Variants in PCGF3 observed in about 807,000 individuals in gnomAD.
The protein encoded by PCGF3 is polycomb group RING finger protein 3.
A neutral mutation model predicts 33.1 loss-of-function variants in PCGF3; 7 were observed. The observed-to-expected ratio is 0.21, with a 90% confidence interval of 0.12 to 0.40. PCGF3 has a LOEUF of 0.40. Among genes scored for constraint, PCGF3 ranks in the 10% least tolerant of loss-of-function variants. PCGF3 has a pLI of 1.00. For missense variants in PCGF3, 211 were observed against 313.3 expected (o/e 0.67, Z 2.46); for synonymous variants, 153 against 121.3 (o/e 1.26, Z -1.72).
chr4:713,547 T>G (rs1742675352), intron 1 of PCGF3, among the ~76,000 whole-genome samples: 1 of 150,938 alleles, frequency 6.6e-6, no homozygotes, highest in African/African-American at 2.4e-5. Flanking sequence ...TGTGGCCTCG[T>G]CAGGGCTGTG....
intron 6 of PCGF3, among the ~76,000 whole-genome samples, chr4:742,375 C>A (rs1316322882): frequency 6.6e-6 from 1 of 152,218 alleles, no homozygotes; most frequent in Non-Finnish European, 1.5e-5. Context: ...AGAGCGTTTC[C>A]CTGGCCTGGC....
chr4:763,063 C>T (rs888503650), intron 9 of PCGF3, among the ~76,000 whole-genome samples: 14 of 151,374 alleles, frequency 9.2e-5, no homozygotes, highest in Admixed American at 3.9e-4. Context: ...GCCGGGGATA[C>T]GGACAGCACA....
At chr4:760,929 C>T (rs990758165) in intron 8 of PCGF3, among the ~76,000 whole-genome samples, 2 of 152,226 alleles carry the variant, frequency 1.3e-5, no homozygotes, top group Admixed American at 6.5e-5. Flanking sequence ...GACACGGGGC[C>T]GCCCACTCCC....
At chr4:768,659 T>C (rs554263198) in exon 11 of PCGF3, 12 of 152,674 alleles carry the variant, frequency 7.9e-5, no homozygotes, top group South Asian at 2.1e-4. Context: ...ATATATAATA[T>C]TGAATTTAAG....
intron 8 of PCGF3, among the ~76,000 whole-genome samples, chr4:755,932 T>TTTTTTTG (rs1560215735): frequency 1.8e-5 from 2 of 112,582 alleles, no homozygotes; most frequent in African/African-American, 9.0e-5. Context: ...TTTTTTTTTT[T>TTTTTTTG]GGAGATGGAG....
chr4:730,412 CCGATGCCTT>C (rs1743502589), intron 1 of PCGF3, among the ~76,000 whole-genome samples: 1 of 152,196 alleles, frequency 6.6e-6, no homozygotes, highest in Non-Finnish European at 1.5e-5. Context: ...CCTGCTGTCT[CCGATGCCTT>C]GGGCCTGGGC....
intron 4 of PCGF3, chr4:734,064 C>T (rs1297869668): frequency 1.3e-6 from 2 of 1,550,736 alleles, no homozygotes; most frequent in South Asian, 1.2e-5. Context: ...AGGCCAGTAG[C>T]CGCTGTGACA....
At position 720,278 on chromosome 4, in the gene PCGF3, G is replaced by T. The variant is rs139727162; in HGVS notation, c.-189-10352G>T. Among the ~76,000 whole-genome samples, 9 of 152,210 alleles carry T rather than the reference G, an allele frequency of 5.9e-5. No homozygotes were observed. The highest frequency in any genetic ancestry group is 1.3e-4 in the Non-Finnish European group (9 of 68,000). On this transcript the variant is annotated intron_variant, in intron 1 of 10. Transcript: ENST00000362003. The surrounding 1 kb of genome is among the most constrained non-coding windows in gnomAD (Gnocchi z 5.6). Reference sequence around the variant, plus strand: ...GAGCGCCCGTGCATCGCTGCAGAGGGTGACTGCGGGAGGAGTGCCCGCCCA... The same window carrying T: ...GAGCGCCCGTGCATCGCTGCAGAGGTTGACTGCGGGAGGAGTGCCCGCCCA...
intron 1 of PCGF3, among the ~76,000 whole-genome samples, chr4:708,309 G>A (rs1742422876): frequency 6.6e-6 from 1 of 152,136 alleles, no homozygotes; most frequent in Admixed American, 6.5e-5. Flanking sequence ...TCAGAGGGCT[G>A]GGACTCCTGA....
At chr4:767,504 T>G (rs1388083444) in exon 11 of PCGF3, 1 of 152,364 alleles carries the variant, frequency 6.6e-6, no homozygotes, top group South Asian at 2.1e-4. Flanking sequence ...CAGGTGGTCC[T>G]TGGCCACCAT....
In PCGF3 at chr4:756,656, C is replaced by T. The variant is rs113042840; in HGVS notation, c.463-4623C>T. 3.0e-3 allele frequency among the ~76,000 whole-genome samples: 451 copies of T among 152,086 alleles called. 2 individuals are homozygous for T. Among genetic ancestry groups the T allele is most frequent in the African/African-American group, 0.01 (423 of 41,486 alleles). ...TGCACATAAAATATGCCATTTTAACCATTTTCAGGTGTGTGGTTCAGTGGC... is the reference window on the plus strand; with the variant it reads ...TGCACATAAAATATGCCATTTTAACTATTTTCAGGTGTGTGGTTCAGTGGC... On this transcript the variant is annotated intron_variant, in intron 8 of 10. Transcript: ENST00000362003.
intron 7 of PCGF3, 135 bp from the exon 8 acceptor site, chr4:744,465 A>T: frequency 2.9e-6 from 2 of 678,680 alleles, no homozygotes; most frequent in African/African-American, 1.8e-5. Context: ...CTTTCCTTTG[A>T]CGCTTACTCC....
intron 4 of PCGF3, chr4:734,525 T>C: frequency 8.4e-7 from 1 of 1,193,336 alleles, no homozygotes; most frequent in Non-Finnish European, 1.0e-6. Flanking sequence ...GGTTAGCATA[T>C]TTTATGTTAG....
At chr4:768,707 ATTAT>A (rs1306320006) in exon 11 of PCGF3, 2 of 152,612 alleles carry the variant, frequency 1.3e-5, no homozygotes, top group Admixed American at 6.5e-5. Flanking sequence ...ACTTTATAAA[ATTAT>A]TTATTCTATT....
intron 1 of PCGF3, among the ~76,000 whole-genome samples, chr4:713,774 C>A (rs1742685287): frequency 6.6e-6 from 1 of 152,052 alleles, no homozygotes; most frequent in South Asian, 2.1e-4. Context: ...CTGATGCCGC[C>A]CAGGAATCAG....
chr4:752,734 G>A (rs1216369996), intron 8 of PCGF3, among the ~76,000 whole-genome samples: 1 of 152,226 alleles, frequency 6.6e-6, no homozygotes, highest in Non-Finnish European at 1.5e-5. Context: ...GGCCCCCGGG[G>A]TCTTCCCACC....
chr4:708,347 C>G (rs1321904894), intron 1 of PCGF3, among the ~76,000 whole-genome samples: 2 of 152,116 alleles, frequency 1.3e-5, no homozygotes, highest in Admixed American at 6.5e-5. Context: ...ATGTAGGCCC[C>G]AAGACTGGAC....
chr4:750,895 G>T (rs1744482503), intron 8 of PCGF3, among the ~76,000 whole-genome samples: 1 of 151,508 alleles, frequency 6.6e-6, no homozygotes, highest in Non-Finnish European at 1.5e-5. Flanking sequence ...CGATTCTCTT[G>T]TACTAACATC....
intron 1 of PCGF3, among the ~76,000 whole-genome samples, chr4:715,870 T>C (rs1482771770): frequency 9.0e-6 from 1 of 110,780 alleles, no homozygotes; most frequent in African/African-American, 3.1e-5. Flanking sequence ...GAACTGGGTG[T>C]CGGTGCTGGG....
Sources: allele counts gnomAD v4.1 joint callset (sites outside exome capture counted in the v4.1 genomes callset), GRCh38; gene constraint gnomAD v4.1.1; non-coding constraint Gnocchi (gnomAD v3.1); transcripts MANE v1.5; gene names NCBI Gene and HGNC (gene_info 2026-07-23, HGNC 2026-07-21).